Variants in HSP90AA1 observed in about 807,000 individuals in gnomAD.
The protein encoded by HSP90AA1 is heat shock protein 90 alpha family class A member 1, also known as heat shock protein HSP 90-alpha.
In HSP90AA1, 18 loss-of-function variants were observed where a neutral mutation model predicts 73.3. The ratio of observed to expected loss-of-function variants is 0.25; its 90% CI spans 0.17 to 0.36. The LOEUF is 0.36. Ranked by LOEUF, HSP90AA1 falls within the 10% of genes least tolerant of loss-of-function variation. The probability of loss-of-function intolerance (pLI) is 1.00; values close to 1 mark genes in which losing one functional copy is unlikely to be tolerated. For missense variants in HSP90AA1, 704 were observed against 874.2 expected (o/e 0.81, Z 2.45); for synonymous variants, 477 against 296.9 (o/e 1.61, Z -6.24).
At chr14:102,125,337 T>TA (rs1468064696) in intron 1 of HSP90AA1, among the ~76,000 whole-genome samples, 2 of 152,172 alleles carry the variant, frequency 1.3e-5, no homozygotes, top group African/African-American at 4.8e-5. Flanking sequence ...AGAGCCACAA[T>TA]AAAAACCCAG....
In HSP90AA1 at chr14:102,130,998, C is replaced by A. The variant is rs117412993; in HGVS notation, c.155+8252G>T. 3.8e-3 allele frequency among the ~76,000 whole-genome samples: 584 copies of A among 152,334 alleles called. 8 individuals carry two copies. In the East Asian group the frequency reaches 0.048, roughly 12 times the overall value. ...CCTCCCAAGGTATTGGGATTACAGG[C>A]ATAAGCCACCATGCCCAGCCTATCC... On this transcript the variant is annotated intron_variant, in intron 1 of 11. Transcript: ENST00000334701.
chr14:102,093,755 C>G (rs559942290), intron 2 of HSP90AA1, among the ~76,000 whole-genome samples: 81 of 152,118 alleles, frequency 5.3e-4, no homozygotes, highest in Middle Eastern at 3.4e-3. Flanking sequence ...AGTGGATCAC[C>G]TGAGGTCAGG....
Position 102,102,273 on chromosome 14 carries a change from C to T in HSP90AA1, c.156-188G>A, listed in dbSNP as rs36120928. 4.5e-3 allele frequency among the ~76,000 whole-genome samples: 679 copies of T among 152,234 alleles called. 6 individuals carry two copies. Among genetic ancestry groups the T allele is most frequent in the African/African-American group, 0.015 (629 of 41,532 alleles). On this transcript the variant is annotated intron_variant, in intron 1 of 11. Coordinates refer to the HSP90AA1 transcript ENST00000334701. ...CAGGAAGTTCAACTTGGGAAATGGA[C>T]CAGGGTCCCAGTAAGGAGCTGGGCT... is the stretch of plus-strand genomic sequence containing the variant.
At chr14:102,107,625 G>A (rs893013589) in intron 1 of HSP90AA1, among the ~76,000 whole-genome samples, 3 of 152,032 alleles carry the variant, frequency 2.0e-5, no homozygotes, top group Non-Finnish European at 2.9e-5. Context: ...TCCTAGCCTA[G>A]CCCCTGGTTT....
At chr14:102,111,378 C>T (rs2049639872) in intron 1 of HSP90AA1, among the ~76,000 whole-genome samples, 2 of 152,242 alleles carry the variant, frequency 1.3e-5, no homozygotes, top group Non-Finnish European at 2.9e-5. Flanking sequence ...CTCATTGCTT[C>T]ACAGGGTGCA....
intron 3 of HSP90AA1, 98 bp from the exon 4 acceptor site, chr14:102,085,529 C>T: frequency 7.5e-7 from 1 of 1,328,898 alleles, no homozygotes; most frequent in Admixed American, 1.8e-5. Flanking sequence ...CAAGGTTTGC[C>T]GTTACTACAG....
At chr14:102,085,541 T>A in intron 3 of HSP90AA1, 110 bp from the exon 4 acceptor site, 1 of 1,252,148 alleles carries the variant, frequency 8.0e-7, no homozygotes, top group Non-Finnish European at 1.2e-6. Flanking sequence ...TTACTACAGA[T>A]GCAAAGGCCA....
Position 102,084,759 on chromosome 14 carries a change from G to C in HSP90AA1, c.903C>G (p.Pro301=), listed in dbSNP as rs112394273. Residue 301 remains proline (P), a synonymous_variant, in exon 5 of 11, where the codon CCC becomes CCG. Coordinates refer to ENST00000216281, the MANE Select transcript of HSP90AA1 (RefSeq NM_005348.4). The stretch of plus-strand genomic sequence containing the variant: ...CGTACTCCTCATTAGTAATATCGTC[G>C]GGATTTCTGGTCCAGATGGGCTTTG... ...NKTKPIWTRN[P]DDITNEEYGE... 1 of 1,614,088 alleles carries C rather than the reference G, an allele frequency of 6.2e-7. No homozygotes were observed. Among genetic ancestry groups the C allele is most frequent in the East Asian group, 2.2e-5 (1 of 44,874 alleles).
Position 102,085,470 on chromosome 14 carries a change from A to T in HSP90AA1, c.530-39T>A. On this transcript the variant is annotated intron_variant, in intron 3 of 10. Transcript: ENST00000216281. The stretch of plus-strand genomic sequence containing the variant: ...AAGAAAAATTGACTTAATACATTCA[A>T]TTTAGTGCTCAACGCCATGCCTAAC... 2.0e-6 allele frequency: 3 copies of T among 1,499,486 alleles called. No homozygotes were observed. In the South Asian group the frequency reaches 3.4e-5, roughly 17 times the overall value. The allele number at this position is 1,499,486 out of a possible 1,614,324, so 92.9% of individuals were successfully genotyped here. A position where few individuals can be genotyped will look rare whatever the true frequency, so the allele number is the denominator to read the frequency against.
intron 2 of HSP90AA1, among the ~76,000 whole-genome samples, chr14:102,096,601 T>C (rs1038536955): frequency 6.6e-6 from 1 of 152,230 alleles, no homozygotes; most frequent in African/African-American, 2.4e-5. Context: ...CCACAGCTCT[T>C]AGTCCCTGGT....
intron 9 of HSP90AA1, chr14:102,082,810 C>T: frequency 1.8e-6 from 1 of 555,348 alleles, no homozygotes; most frequent in Non-Finnish European, 3.2e-6. Flanking sequence ...TTAGTAGAGA[C>T]TGAGTTTCAC....
At chr14:102,134,074 C>T (rs2049945128) in intron 1 of HSP90AA1, among the ~76,000 whole-genome samples, 1 of 151,486 alleles carries the variant, frequency 6.6e-6, no homozygotes, top group Non-Finnish European at 1.5e-5. Context: ...TTGCTTCAAC[C>T]TGGGAGACAG....
intron 1 of HSP90AA1, among the ~76,000 whole-genome samples, chr14:102,126,837 C>A (rs2049845790): frequency 1.3e-5 from 2 of 152,138 alleles, no homozygotes; most frequent in Admixed American, 1.3e-4. Flanking sequence ...CGACTAGATT[C>A]TTTTAATATC....
chr14:102,111,596 G>A (rs1224966026), intron 1 of HSP90AA1, among the ~76,000 whole-genome samples: 1 of 152,206 alleles, frequency 6.6e-6, no homozygotes, highest in Non-Finnish European at 1.5e-5. Flanking sequence ...TTGAGAAGGG[G>A]CACAAAGAGG....
At chr14:102,084,214 T>C (rs1162597462) in intron 6 of HSP90AA1, 185 bp downstream of exon 6, 6 of 684,732 alleles carry the variant, frequency 8.8e-6, no homozygotes, top group Non-Finnish European at 1.5e-5. Context: ...ATGGGGCTAA[T>C]TTTTGTAATT....
At chr14:102,118,894 A>G (rs1424003388) in intron 1 of HSP90AA1, among the ~76,000 whole-genome samples, 1 of 131,720 alleles carries the variant, frequency 7.6e-6, no homozygotes, top group Admixed American at 8.6e-5. Flanking sequence ...CATTTCTATC[A>G]TTCCGGCTGG....
In HSP90AA1 at chr14:102,083,545, C is replaced by A; in HGVS notation, c.1486+1G>T. ...ATGACTGTAACATAGTGTTCTCTTACCTGTGATATAATAGATATGTTTCTG... is the reference window on the plus strand; with the variant it reads ...ATGACTGTAACATAGTGTTCTCTTAACTGTGATATAATAGATATGTTTCTG... On this transcript the variant is annotated splice_donor_variant, in intron 8 of 10. Transcript: ENST00000216281. LOFTEE classifies it high-confidence loss of function. 1 of 1,613,188 alleles carries A rather than the reference C, an allele frequency of 6.2e-7. No individual in the cohort carries two copies. Among genetic ancestry groups the A allele is most frequent in the Non-Finnish European group, 8.5e-7 (1 of 1,179,522 alleles).
chr14:102,110,633 G>C (rs2049629332), intron 1 of HSP90AA1, among the ~76,000 whole-genome samples: 1 of 150,974 alleles, frequency 6.6e-6, no homozygotes, highest in African/African-American at 2.4e-5. Context: ...AGGCTGGGGT[G>C]CAGTGGCACG....
At chr14:102,087,118 C>T (rs1395848972), upstream of HSP90AA1, 17 of 984,364 alleles carry the variant, frequency 1.7e-5, no homozygotes, top group Non-Finnish European at 1.9e-5. Flanking sequence ...CAGAAGCCTC[C>T]CGAACCTTCC....
Sources: allele counts gnomAD v4.1 joint callset (sites outside exome capture counted in the v4.1 genomes callset), GRCh38; gene constraint gnomAD v4.1.1; transcripts MANE v1.5; gene names NCBI Gene and HGNC (gene_info 2026-07-23, HGNC 2026-07-21).